ST6GALNAC3: variants seen among roughly 807,000 people sequenced by gnomAD.
ST6GALNAC3 encodes alpha-N-acetylgalactosaminide alpha-2,6-sialyltransferase 3.
A neutral mutation model predicts 32.7 loss-of-function variants in ST6GALNAC3; 25 were observed. The ratio of observed to expected loss-of-function variants is 0.76; its 90% confidence interval spans 0.56 to 1.07. The LOEUF (loss-of-function observed/expected upper bound fraction) is 1.07. Among genes scored for constraint, ST6GALNAC3 ranks in the 50% least tolerant of loss-of-function variants. ST6GALNAC3 has a pLI of 0.00. For missense variants in ST6GALNAC3, 355 were observed against 382.4 expected (o/e 0.93, Z 0.60); for synonymous variants, 129 against 133.1 (o/e 0.97, Z 0.21).
chr1:76,319,400 G>A (rs1009660772), intron 2 of ST6GALNAC3, among the ~76,000 whole-genome samples: 5 of 151,842 alleles, frequency 3.3e-5, no homozygotes, highest in African/African-American at 1.2e-4. Context: ...ATCAGTTGCT[G>A]TGACAGACAG....
intron 1 of ST6GALNAC3, among the ~76,000 whole-genome samples, chr1:76,222,596 G>A (rs1157239063): frequency 2.0e-5 from 3 of 152,018 alleles, no homozygotes; most frequent in Non-Finnish European, 4.4e-5. Context: ...CACCAGCATG[G>A]CACATGTATA....
At chr1:76,476,657 T>C (rs1343821777) in intron 3 of ST6GALNAC3, among the ~76,000 whole-genome samples, 2 of 152,164 alleles carry the variant, frequency 1.3e-5, no homozygotes, top group African/African-American at 4.8e-5. Flanking sequence ...CTGAACCATA[T>C]CCTTGTGCTT....
intron 2 of ST6GALNAC3, among the ~76,000 whole-genome samples, chr1:76,332,314 T>C (rs1034225834): frequency 2.0e-5 from 3 of 152,188 alleles, no homozygotes; most frequent in Non-Finnish European, 4.4e-5. Flanking sequence ...AGTTGTGAGA[T>C]GCCATGTACT....
At chr1:76,484,647 A>G (rs1346442520) in intron 3 of ST6GALNAC3, among the ~76,000 whole-genome samples, 3 of 152,198 alleles carry the variant, frequency 2.0e-5, no homozygotes. Context: ...TTTTCTAAAT[A>G]TACAATCATG....
intron 1 of ST6GALNAC3, among the ~76,000 whole-genome samples, chr1:76,208,047 C>CCT (rs1056249119): frequency 1.8e-5 from 1 of 55,066 alleles, no homozygotes; most frequent in African/African-American, 3.6e-5. Flanking sequence ...GAGTGCCCCC[C>CCT]CCCCCAAAAA....
chr1:76,576,851 AG>A, intron 3 of ST6GALNAC3: 3 of 1,305,032 alleles, frequency 2.3e-6, no homozygotes, highest in Non-Finnish European at 3.0e-6. Flanking sequence ...TCCAGTACAG[AG>A]TGACCATGCA....
At position 76,528,415 on chromosome 1, in the gene ST6GALNAC3, G is replaced by A. The variant is rs563119080; in HGVS notation, c.624-99037G>A. ...AGGTCTTCTTCGGGATCCTGGAATT[G>A]GAGCTCATTCATAACTATTGTCCTG... On this transcript the variant is annotated intron_variant, in intron 3 of 4. Coordinates refer to ENST00000328299, the MANE Select transcript of ST6GALNAC3 (RefSeq NM_152996.4). Among the ~76,000 whole-genome samples the A allele has an allele frequency of 9.9e-5, 15 of 152,162 alleles. No homozygotes were observed. In the East Asian group the frequency reaches 1.2e-3, roughly 12 times the overall value.
chr1:76,366,178 A>G (rs1287843855), intron 2 of ST6GALNAC3, among the ~76,000 whole-genome samples: 1 of 152,036 alleles, frequency 6.6e-6, no homozygotes, highest in Non-Finnish European at 1.5e-5. Flanking sequence ...TGTGCATGAG[A>G]TATTCCATTT....
chr1:76,099,056 G>A (rs969592199), intron 1 of ST6GALNAC3, among the ~76,000 whole-genome samples: 4 of 152,080 alleles, frequency 2.6e-5, no homozygotes, highest in South Asian at 4.1e-4. Context: ...CAGAGACACC[G>A]AAATGTTCAT....
intron 3 of ST6GALNAC3, chr1:76,577,198 A>C (rs1235826156): frequency 2.0e-6 from 2 of 1,012,926 alleles, no homozygotes; most frequent in Non-Finnish European, 2.4e-6. Flanking sequence ...ATTAAATCTT[A>C]TCAAAGCAAA....
chr1:76,583,628 A>T (rs574891945), intron 3 of ST6GALNAC3, among the ~76,000 whole-genome samples: 32 of 152,286 alleles, frequency 2.1e-4, no homozygotes, highest in African/African-American at 7.7e-4. Flanking sequence ...GATTTAACAA[A>T]AATGAAAGAG....
chr1:76,110,741 T>C (rs541532927), intron 1 of ST6GALNAC3, among the ~76,000 whole-genome samples: 2 of 152,322 alleles, frequency 1.3e-5, no homozygotes, highest in East Asian at 3.9e-4. Context: ...AAGTTCAATA[T>C]AAAATGGAGG....
intron 1 of ST6GALNAC3, among the ~76,000 whole-genome samples, chr1:76,230,344 T>C (rs554740318): frequency 6.6e-5 from 10 of 152,298 alleles, no homozygotes; most frequent in African/African-American, 2.4e-4. Flanking sequence ...CTGTTATTAC[T>C]ATATTTGAGA....
intron 3 of ST6GALNAC3, among the ~76,000 whole-genome samples, chr1:76,479,597 G>T (rs1281835443): frequency 6.6e-6 from 1 of 152,072 alleles, no homozygotes; most frequent in Admixed American, 6.6e-5. Flanking sequence ...ATAGAAGGGG[G>T]CCAAACTCAT....
chr1:76,092,672 C>A (rs569428858), intron 1 of ST6GALNAC3, among the ~76,000 whole-genome samples: 1 of 152,262 alleles, frequency 6.6e-6, no homozygotes, highest in African/African-American at 2.4e-5. Context: ...GTGTAATATT[C>A]TGCAATTATT....
chr1:76,449,187 A>G (rs1657206856), intron 3 of ST6GALNAC3, among the ~76,000 whole-genome samples: 1 of 152,186 alleles, frequency 6.6e-6, no homozygotes, highest in East Asian at 1.9e-4. Context: ...AAGTTTTTTC[A>G]GTTGGCTTAT....
intron 2 of ST6GALNAC3, among the ~76,000 whole-genome samples, chr1:76,383,441 A>AT (rs34140871): frequency 0.54 from 71,849 of 134,162 alleles, 20,016 homozygotes; most frequent in East Asian, 0.78. Context: ...TGGCTAATTA[A>AT]TTTTTTTTTT....
chr1:76,284,212 A>T (rs144665912), intron 1 of ST6GALNAC3, among the ~76,000 whole-genome samples: 19 of 152,374 alleles, frequency 1.2e-4, no homozygotes, highest in East Asian at 5.8e-4. Context: ...ATGTATGTTG[A>T]TAACACAGAA....
intron 3 of ST6GALNAC3, among the ~76,000 whole-genome samples, chr1:76,451,688 A>G (rs552851152): frequency 1.3e-5 from 2 of 152,286 alleles, no homozygotes; most frequent in East Asian, 3.9e-4. Context: ...TATTGTAAAA[A>G]GGGTTGAGTT....
Sources: allele counts gnomAD v4.1 joint callset (sites outside exome capture counted in the v4.1 genomes callset), GRCh38; gene constraint gnomAD v4.1.1; transcripts MANE v1.5; gene names NCBI Gene and HGNC (gene_info 2026-07-23, HGNC 2026-07-21).